Variants in DNAJC13 observed in about 807,000 individuals in gnomAD.
DNAJC13 encodes the protein dnaJ homolog subfamily C member 13.
DNAJC13 carries 75 observed loss-of-function variants against 290.5 expected under a neutral mutation model. That is an observed-to-expected ratio of 0.26 (90% CI 0.21 to 0.31). The LOEUF (loss-of-function observed/expected upper bound fraction) is 0.31, where lower values mean the gene tolerates loss of function less well. DNAJC13 is among the 10% of genes least tolerant of loss of function. The pLI is 1.00. For synonymous variants in DNAJC13, 862 were observed against 892.0 expected (o/e 0.97, Z 0.60); for missense variants, 2,260 against 2,674.5 (o/e 0.85, Z 3.42).
chr3:132,435,713 C>A (rs1488852604), intron 2 of DNAJC13, among the ~76,000 whole-genome samples: 4 of 152,022 alleles, frequency 2.6e-5, no homozygotes, highest in South Asian at 2.1e-4. Flanking sequence ...CATTTTAGTT[C>A]TTTGAATCAA....
intron 29 of DNAJC13, among the ~76,000 whole-genome samples, chr3:132,487,918 C>T (rs1015385077): frequency 6.6e-6 from 1 of 152,140 alleles, no homozygotes; most frequent in East Asian, 1.9e-4. Flanking sequence ...TTCTGCTCTG[C>T]TCCTTGAGTT....
intron 29 of DNAJC13, among the ~76,000 whole-genome samples, chr3:132,485,179 C>T (rs1014133143): frequency 2.0e-5 from 3 of 151,758 alleles, no homozygotes; most frequent in Non-Finnish European, 2.9e-5. Context: ...GCTCTGTTGC[C>T]CAGGCTGAAG....
chr3:132,483,305 A>G, intron 27 of DNAJC13, 70 bp from the exon 28 acceptor site: 1 of 1,284,514 alleles, frequency 7.8e-7, no homozygotes, highest in Non-Finnish European at 1.1e-6. Flanking sequence ...TATTTACTAT[A>G]AAGTAGAAAA....
chr3:132,432,099 C>A (rs1488512654), intron 1 of DNAJC13, among the ~76,000 whole-genome samples: 1 of 152,254 alleles, frequency 6.6e-6, no homozygotes, highest in East Asian at 1.9e-4. Flanking sequence ...TTAGTATTCA[C>A]AGTATAAAAA....
chr3:132,502,247 T>C, intron 39 of DNAJC13, 42 bp from the exon 40 acceptor site: 2 of 1,407,244 alleles, frequency 1.4e-6, no homozygotes, highest in Non-Finnish European at 1.9e-6. Flanking sequence ...TTTTTTTTTT[T>C]TAACTCTGTA....
intron 19 of DNAJC13, 24 bp downstream of exon 19, chr3:132,466,418 G>A: frequency 6.5e-7 from 1 of 1,545,518 alleles, no homozygotes; most frequent in Admixed American, 2.2e-5. Context: ...TCCCAAGTGT[G>A]CCTTTTTTAG....
chr3:132,497,487 G>C (rs1298543654), intron 36 of DNAJC13, among the ~76,000 whole-genome samples: 2 of 152,160 alleles, frequency 1.3e-5, no homozygotes, highest in East Asian at 3.9e-4. Flanking sequence ...GACAAGAGAT[G>C]GTGTTGCAGT....
chr3:132,516,848 T>C (rs1935936568), intron 48 of DNAJC13, 32 bp downstream of exon 48: 1 of 1,512,950 alleles, frequency 6.6e-7, no homozygotes, highest in South Asian at 1.2e-5. Flanking sequence ...GAAAGGAAAT[T>C]AATTATTAAA....
At chr3:132,512,666 G>T (rs545074862) in intron 44 of DNAJC13, among the ~76,000 whole-genome samples, 1 of 152,154 alleles carries the variant, frequency 6.6e-6, no homozygotes, top group Admixed American at 6.5e-5. Context: ...TTAGGTTGAG[G>T]GGGGTAACCC....
intron 33 of DNAJC13, 73 bp downstream of exon 33, chr3:132,492,688 C>T: frequency 7.5e-7 from 1 of 1,324,970 alleles, no homozygotes; most frequent in Non-Finnish European, 1.1e-6. Context: ...GTATTTTGTC[C>T]TCCTGCAGTA....
intron 54 of DNAJC13, among the ~76,000 whole-genome samples, chr3:132,530,677 C>T (rs998944068): frequency 2.0e-5 from 3 of 152,204 alleles, no homozygotes; most frequent in East Asian, 3.9e-4. Flanking sequence ...CACTGTCAGC[C>T]ATCTGTTACT....
At chr3:132,432,582 A>G (rs1939270947) in intron 1 of DNAJC13, among the ~76,000 whole-genome samples, 1 of 152,236 alleles carries the variant, frequency 6.6e-6, no homozygotes. Context: ...AAATAACCAT[A>G]TTTAACTTTT....
At chr3:132,484,439 C>T in intron 28 of DNAJC13, 149 bp from the exon 29 acceptor site, 1 of 672,176 alleles carries the variant, frequency 1.5e-6, no homozygotes, top group Admixed American at 2.5e-5. Context: ...AACCAAAATA[C>T]CTAATCATGT....
At chr3:132,429,440 G>T (rs1052025225) in intron 1 of DNAJC13, among the ~76,000 whole-genome samples, 5 of 152,154 alleles carry the variant, frequency 3.3e-5, no homozygotes, top group African/African-American at 9.7e-5. Context: ...TGATTTATCA[G>T]TTTTCTTGTC....
At chr3:132,447,557 C>T in intron 4 of DNAJC13, 87 bp downstream of exon 4, 1 of 1,280,768 alleles carries the variant, frequency 7.8e-7, no homozygotes, top group Non-Finnish European at 1.0e-6. Flanking sequence ...AATTAATGTT[C>T]TCTGCCCCTG....
At chr3:132,458,356 A>G (rs1933682964) in intron 13 of DNAJC13, 1 of 152,216 alleles carries the variant, frequency 6.6e-6, no homozygotes, top group Admixed American at 6.5e-5. Context: ...TCCCAAAAGC[A>G]AATTAATTTT....
intron 48 of DNAJC13, among the ~76,000 whole-genome samples, chr3:132,522,446 AAG>A (rs1464347327): frequency 1.3e-5 from 2 of 152,204 alleles, no homozygotes; most frequent in Non-Finnish European, 2.9e-5. Flanking sequence ...GGGGCTATAA[AAG>A]AGAGTTGGAA....
At position 132,514,677 on chromosome 3, in the gene DNAJC13, A is replaced by T; in HGVS notation, c.5485+7A>T. On this transcript the variant is annotated splice_region_variant and intron_variant, in intron 46 of 55. Coordinates refer to ENST00000260818, the MANE Select transcript of DNAJC13 (RefSeq NM_015268.4). ...CTACATTCATTGCCATCAAGTATGT[A>T]TACAGATGGAATTTTGGAAACCACA... The T allele has an allele frequency of 6.2e-7, 1 of 1,601,702 alleles. No homozygotes were observed. The highest frequency in any genetic ancestry group is 8.5e-7 in the Non-Finnish European group (1 of 1,172,074).
intron 55 of DNAJC13, 38 bp from the exon 56 acceptor site, chr3:132,538,138 G>C: frequency 6.4e-7 from 1 of 1,558,744 alleles, no homozygotes; most frequent in Non-Finnish European, 8.8e-7. Flanking sequence ...TCACTTGACT[G>C]CTTTCTAGAG....
Sources: gnomAD v4.1 joint callset for allele counts (sites outside exome capture counted in the v4.1 genomes callset) on GRCh38, gnomAD v4.1.1 for gene constraint, MANE v1.5 for transcripts, NCBI Gene and HGNC (gene_info 2026-07-23, HGNC 2026-07-21) for gene names.